Variants in ARHGAP4 observed in about 807,000 individuals in gnomAD.
ARHGAP4 encodes the protein rho GTPase-activating protein 4.
A neutral mutation model predicts 67.6 loss-of-function variants in ARHGAP4; 25 were observed. That is an observed-to-expected ratio of 0.37 (90% CI 0.27 to 0.52). ARHGAP4 has a LOEUF of 0.52. ARHGAP4 is among the 20% of genes least tolerant of loss of function. The probability of loss-of-function intolerance (pLI) is 0.92; values close to 1 mark genes in which losing one functional copy is unlikely to be tolerated. For missense variants in ARHGAP4, 804 were observed against 854.6 expected, an observed-to-expected ratio of 0.94 and a Z score of 0.74; for synonymous variants, 448 against 373.7, an observed-to-expected ratio of 1.20 and a Z score of -2.29.
At chrX:153,914,192 A>C in intron 7 of ARHGAP4, 1 of 286,585 alleles carries the variant, frequency 3.5e-6, no homozygotes, top group Non-Finnish European at 6.2e-6. Flanking sequence ...CCAGCCAGGC[A>C]AATCCATAGA....
chrX:153,913,427 G>T lies in ARHGAP4; in HGVS notation c.1308C>A (p.Thr436=), dbSNP rs782223874. ...AGRRRGQQQE[T]ETFYLTKLQE... is the part of the protein sequence containing the mutation. ...TCCCCACCGTGAGGTAGAAGGTTTC[G>T]GTCTCCTGCTGCTGGCCGCGCCTCC... The change falls in exon 9 of 22, where the codon ACC becomes ACA. Residue 436 remains threonine (T), a synonymous_variant. Coordinates refer to ENST00000350060, the MANE Select transcript of ARHGAP4 (RefSeq NM_001666.5). 4.1e-6 allele frequency: 5 copies of T among 1,209,147 alleles called. No homozygotes were observed. The Admixed American group carries it at 8.7e-5, about 21-fold the overall frequency.
At chrX:153,925,260 T>C in intron 1 of ARHGAP4, among the ~76,000 whole-genome samples, 1 of 111,920 alleles carries the variant, frequency 8.9e-6, no homozygotes, top group East Asian at 2.8e-4. Context: ...ATAATGATGT[T>C]AGAACCTACA....
chrX:153,914,007 C>T (rs1343322667), intron 7 of ARHGAP4, 128 bp from the exon 8 acceptor site: 13 of 543,053 alleles, frequency 2.4e-5, no homozygotes, highest in African/African-American at 6.9e-5. Flanking sequence ...CCAGCCCAGA[C>T]GCTCAGCTGA....
chrX:153,913,340 G>A (rs782624759), intron 9 of ARHGAP4, 38 bp from the exon 10 acceptor site: 29 of 1,200,860 alleles, frequency 2.4e-5, no homozygotes, highest in Non-Finnish European at 3.0e-5. Flanking sequence ...TGTTAGCCCT[G>A]GCTTGAGCCC....
rs782215199 is a variant in ARHGAP4 at position 153,921,077 on chromosome X, C to T, written c.498+20G>A. ...CTCCCTGGACCATTGGGGCAGGCCC[C>T]TCCCCAGCCCTTTCCTCACCGTCTG... On this transcript the variant is annotated intron_variant, in intron 4 of 21. Coordinates refer to ENST00000350060, the MANE Select transcript of ARHGAP4 (RefSeq NM_001666.5). 1 of 1,196,300 alleles carries T rather than the reference C, an allele frequency of 8.4e-7. No individual in the cohort carries two copies. Among genetic ancestry groups the T allele is most frequent in the South Asian group, 1.8e-5 (1 of 55,113 alleles).
chrX:153,908,977 C>A, intron 21 of ARHGAP4, 93 bp downstream of exon 21: 1 of 973,835 alleles, frequency 1.0e-6, no homozygotes. Flanking sequence ...AGGGCAACGA[C>A]TGGAACCTCG....
At chrX:153,919,555 A>G in intron 5 of ARHGAP4, 1 of 1,153,142 alleles carries the variant, frequency 8.7e-7, no homozygotes. Flanking sequence ...ACACAGAACT[A>G]TTCACAGATA....
chrX:153,921,803 C>T lies in ARHGAP4; in HGVS notation c.74G>A (p.Arg25His), dbSNP rs782584416. ...AEYETQVKEM[R>H]WQLSEQLRCL... ...GCGCAGCTGCTCGCTCAGCTGCCAG[C>T]GCATCTCTGTGGGGGGAACCATGGC... Residue 25 changes from arginine to histidine, a missense_variant, in exon 2 of 22, where the codon CGC becomes CAC. Coordinates refer to ENST00000350060, the MANE Select transcript of ARHGAP4 (RefSeq NM_001666.5). 3 of 1,185,963 alleles carry T rather than the reference C, an allele frequency of 2.5e-6. No individual in the cohort carries two copies. Among genetic ancestry groups the T allele is most frequent in the Admixed American group, 2.3e-5 (1 of 43,206 alleles).
intron 7 of ARHGAP4, 24 bp from the exon 8 acceptor site, chrX:153,913,903 G>A (rs1557103892): frequency 4.2e-6 from 5 of 1,186,590 alleles, no homozygotes; most frequent in Admixed American, 2.2e-5. Flanking sequence ...CGGCCAGGGG[G>A]CTAAGGGCTG....
At chrX:153,922,582 G>T in intron 1 of ARHGAP4, 1 of 255,153 alleles carries the variant, frequency 3.9e-6, no homozygotes, top group Non-Finnish European at 5.5e-6. Flanking sequence ...CCCCACACAG[G>T]CCTGAAGCAA....
intron 5 of ARHGAP4, chrX:153,919,779 C>CT: frequency 3.5e-6 from 3 of 853,014 alleles, no homozygotes; most frequent in Non-Finnish European, 3.1e-6. Context: ...AACTGGCACT[C>CT]TATTTTTTTT....
intron 1 of ARHGAP4, among the ~76,000 whole-genome samples, chrX:153,923,976 T>C (rs2065111682): frequency 9.0e-6 from 1 of 111,334 alleles, no homozygotes; most frequent in Admixed American, 9.5e-5. Flanking sequence ...CAGGGTTTCA[T>C]CATGTTGGCC....
chrX:153,910,438 C>G, intron 16 of ARHGAP4, 34 bp from the exon 17 acceptor site: 1 of 1,180,473 alleles, frequency 8.5e-7, no homozygotes, highest in Non-Finnish European at 1.1e-6. Context: ...GCAGAGAGCC[C>G]GCACCCCGAG....
rs782285314 is a variant in ARHGAP4, at chrX:153,910,380, G to GTTC, written c.1944_1946dup (p.Glu648_Asn649insLys). ...CGGCCAGGTTGTAGGGGTCCATCATGTTCTCATCGCTGTACTGGGCCAGGC... is the reference window on the plus strand; with the variant it reads ...CGGCCAGGTTGTAGGGGTCCATCATGTTCTTCTCATCGCTGTACTGGGCCAGGC... On this transcript the variant is annotated inframe_insertion, in exon 17 of 22. Coordinates refer to ENST00000350060, the MANE Select transcript of ARHGAP4 (RefSeq NM_001666.5). 2.5e-6 allele frequency: 3 copies of GTTC among 1,200,058 alleles called. No individual in the cohort carries two copies. Among genetic ancestry groups the GTTC allele is most frequent in the Non-Finnish European group, 3.4e-6 (3 of 888,688 alleles).
rs782335224 is a variant in ARHGAP4, at chrX:153,907,406, C to T, written c.*323G>A. On this transcript the variant is annotated 3_prime_UTR_variant, in exon 22 of 22. Coordinates refer to ENST00000350060, the MANE Select transcript of ARHGAP4 (RefSeq NM_001666.5). ...GAATCAACACGAGGTCTTTATGAAT[C>T]GCCACCCAGCCCTGCCAGGCATCTG... The T allele has an allele frequency of 2.0e-5, 6 of 304,001 alleles. No individual in the cohort carries two copies. Among genetic ancestry groups the T allele is most frequent in the Admixed American group, 4.9e-5 (1 of 20,412 alleles). The allele number at this position is 304,001 out of a possible 1,213,427, so 25.1% of individuals were successfully genotyped here.
chrX:153,923,073 G>A (rs1429971937), intron 1 of ARHGAP4, among the ~76,000 whole-genome samples: 2 of 111,162 alleles, frequency 1.8e-5, no homozygotes, highest in African/African-American at 6.6e-5. Flanking sequence ...GGTAGGGACA[G>A]ATGGCACAGA....
chrX:153,919,147 G>A lies in ARHGAP4; in HGVS notation c.810+8C>T. 2 of 1,211,970 alleles carry A rather than the reference G, an allele frequency of 1.7e-6. No individual in the cohort carries two copies. The highest frequency in any genetic ancestry group is 1.1e-6 in the Non-Finnish European group (1 of 895,459). On this transcript the variant is annotated splice_region_variant and intron_variant, in intron 6 of 21. Transcript: ENST00000350060. Reference sequence around the variant, plus strand: ...GCACCTTTTCCCACCTGCCCACCAAGGACTCACGTCCATGAGGTCCAAGAC... The same window carrying A: ...GCACCTTTTCCCACCTGCCCACCAAAGACTCACGTCCATGAGGTCCAAGAC...
intron 7 of ARHGAP4, among the ~76,000 whole-genome samples, chrX:153,918,606 C>T (rs1441687072): frequency 8.9e-6 from 1 of 112,947 alleles, no homozygotes; most frequent in African/African-American, 3.2e-5. Flanking sequence ...TACACGGCTG[C>T]CTGCTGCACG....
At chrX:153,920,407 C>T in intron 5 of ARHGAP4, 1 of 432,057 alleles carries the variant, frequency 2.3e-6, no homozygotes, top group Non-Finnish European at 3.9e-6. Flanking sequence ...CCGCTGGGAG[C>T]ATGGAGAGGC....
Sources: gnomAD v4.1 joint callset for allele counts (sites outside exome capture counted in the v4.1 genomes callset) on GRCh38, gnomAD v4.1.1 for gene constraint, MANE v1.5 for transcripts, NCBI Gene and HGNC (gene_info 2026-07-23, HGNC 2026-07-21) for gene names.